Variants in LOC101059915 observed in about 807,000 individuals in gnomAD.
chrX:71,670,721 G>A, the LOC101059915 span: 2 of 1,099,926 alleles, frequency 1.8e-6, no homozygotes, highest in Non-Finnish European at 2.4e-6. Flanking sequence ...TGCTGGTGGT[G>A]GGGGTGGACT....
the LOC101059915 span, chrX:71,670,727 G>A: frequency 5.5e-6 from 6 of 1,098,128 alleles, no homozygotes; most frequent in Non-Finnish European, 7.1e-6. Flanking sequence ...TGGTGGGGGT[G>A]GACTGCAGGT....
chrX:71,671,390 C>T, the LOC101059915 span: 6 of 649,131 alleles, frequency 9.2e-6, no homozygotes, highest in Non-Finnish European at 1.4e-5. Flanking sequence ...TGAGCAGCTG[C>T]TACCTTTGGA....
At chrX:71,670,363 G>C in the LOC101059915 span, 3,901 of 1,162,606 alleles carry the variant, frequency 3.4e-3, 78 homozygotes, top group African/African-American at 0.062. Context: ...CCTAGAAATA[G>C]AGGTCCACAC....
At chrX:71,668,534 GC>G in the LOC101059915 span, 3 of 1,138,742 alleles carry the variant, frequency 2.6e-6, no homozygotes, top group Non-Finnish European at 3.5e-6. Context: ...GGAGACACTT[GC>G]GGACGCCGCA....
At chrX:71,668,535 C>G in the LOC101059915 span, 77 of 1,137,630 alleles carry the variant, frequency 6.8e-5, no homozygotes, top group African/African-American at 4.2e-4. Context: ...GAGACACTTG[C>G]GGACGCCGCA....
the LOC101059915 span, chrX:71,671,427 C>T: frequency 8.9e-6 from 4 of 447,559 alleles, no homozygotes; most frequent in Non-Finnish European, 1.5e-5. Context: ...TAAGCGGGTT[C>T]CCTCCATATC....
At chrX:71,670,011 C>T in the LOC101059915 span, among the ~76,000 whole-genome samples, 1 of 112,611 alleles carries the variant, frequency 8.9e-6, no homozygotes, top group African/African-American at 3.2e-5. Context: ...CCGGCCCTCC[C>T]AGGGCCTGGC....
chrX:71,668,062 C>A, the LOC101059915 span: 7 of 1,155,729 alleles, frequency 6.1e-6, no homozygotes, highest in South Asian at 2.0e-5. Context: ...CCAGGAAGGC[C>A]GGCCTGGCAC....
At chrX:71,667,881 C>A in the LOC101059915 span, 1 of 1,110,156 alleles carries the variant, frequency 9.0e-7, no homozygotes, top group South Asian at 2.3e-5. Flanking sequence ...GCGCCCACAC[C>A]GCCAGCCCGG....
chrX:71,669,959 G>C, the LOC101059915 span, among the ~76,000 whole-genome samples: 2 of 112,435 alleles, frequency 1.8e-5, no homozygotes, highest in East Asian at 5.6e-4. Context: ...GGAGACTTTC[G>C]GCAGTACTGA....
At chrX:71,668,623 G>A in the LOC101059915 span, 51 of 1,082,954 alleles carry the variant, frequency 4.7e-5, no homozygotes, top group East Asian at 4.4e-4. Flanking sequence ...CACCCCAGTC[G>A]TGGAGAGGCC....
chrX:71,668,072 C>A, the LOC101059915 span: 6 of 1,152,317 alleles, frequency 5.2e-6, no homozygotes, highest in Non-Finnish European at 6.9e-6. Flanking sequence ...CGGCCTGGCA[C>A]CCCGGTCGAC....
At chrX:71,671,239 G>A in the LOC101059915 span, 1 of 1,165,362 alleles carries the variant, frequency 8.6e-7, no homozygotes, top group Non-Finnish European at 1.1e-6. Flanking sequence ...CAAGTTCCAG[G>A]ACCTGTGAAG....
At chrX:71,668,204 A>G in the LOC101059915 span, 1 of 1,117,593 alleles carries the variant, frequency 8.9e-7, no homozygotes, top group Non-Finnish European at 1.2e-6. Context: ...GGGTCCACTG[A>G]CATCTGGGCG....
chrX:71,669,441 A>T, the LOC101059915 span: 1 of 615,129 alleles, frequency 1.6e-6, no homozygotes, highest in Non-Finnish European at 2.2e-6. Flanking sequence ...CTTGGGGTGG[A>T]CTGAGGGAGA....
chrX:71,671,428 C>G, the LOC101059915 span: 1 of 445,082 alleles, frequency 2.2e-6, no homozygotes, highest in Non-Finnish European at 3.8e-6. Flanking sequence ...AAGCGGGTTC[C>G]CTCCATATCC....
At chrX:71,671,132 T>C in the LOC101059915 span, 2 of 1,160,930 alleles carry the variant, frequency 1.7e-6, no homozygotes, top group Non-Finnish European at 2.3e-6. Flanking sequence ...AGGGCTAGGT[T>C]TTTCCCCACG....
At chrX:71,667,788 T>G in the LOC101059915 span, 1 of 1,050,923 alleles carries the variant, frequency 9.5e-7, no homozygotes, top group Non-Finnish European at 1.2e-6. Flanking sequence ...CCTGGCTGTC[T>G]AGACTGGCGG....
chrX:71,667,893 A>G, the LOC101059915 span: 1 of 1,114,230 alleles, frequency 9.0e-7, no homozygotes, highest in Non-Finnish European at 1.2e-6. Context: ...CCAGCCCGGG[A>G]GCCCCACGGG....
Sources: allele counts gnomAD v4.1 joint callset (sites outside exome capture counted in the v4.1 genomes callset), GRCh38; gene constraint gnomAD v4.1.1; transcripts MANE v1.5.